The following STAG1 variants were observed in gnomAD, a reference collection of about 807,000 sequenced individuals.
STAG1 encodes STAG1 cohesin complex component.
STAG1 carries 26 observed loss-of-function variants against 170.9 expected under a neutral mutation model. The observed-to-expected ratio is 0.15, with a 90% CI of 0.11 to 0.21. The LOEUF is 0.21. STAG1 is among the 10% of genes least tolerant of loss of function. The probability of loss-of-function intolerance (pLI) is 1.00; values close to 1 mark genes in which losing one functional copy is unlikely to be tolerated. For missense variants in STAG1, 964 were observed against 1,509.5 expected, an observed-to-expected ratio of 0.64 and a Z score of 5.99; for synonymous variants, 514 against 497.7, an observed-to-expected ratio of 1.03 and a Z score of -0.44.
chr3:136,471,556 C>A (rs984239008), intron 12 of STAG1, among the ~76,000 whole-genome samples: 2 of 152,104 alleles, frequency 1.3e-5, no homozygotes, highest in African/African-American at 4.8e-5. Context: ...TAGATCCCTG[C>A]ATACATATTT....
At chr3:136,542,962 T>C (rs935595703) in intron 5 of STAG1, among the ~76,000 whole-genome samples, 6 of 152,166 alleles carry the variant, frequency 3.9e-5, no homozygotes, top group Admixed American at 3.3e-4. Flanking sequence ...CACTACTCTT[T>C]ATTGACTCTC....
chr3:136,745,252 G>T (rs1012975408), intron 1 of STAG1, among the ~76,000 whole-genome samples: 2 of 152,018 alleles, frequency 1.3e-5, no homozygotes, highest in African/African-American at 4.8e-5. Context: ...CATAAAGAAG[G>T]TAAGACATTC....
intron 4 of STAG1, among the ~76,000 whole-genome samples, chr3:136,577,038 G>T (rs1268253499): frequency 6.6e-6 from 1 of 152,198 alleles, no homozygotes; most frequent in Non-Finnish European, 1.5e-5. Flanking sequence ...AATTAATCAA[G>T]CTATTGCTGG....
intron 1 of STAG1, among the ~76,000 whole-genome samples, chr3:136,661,075 T>G (rs1941562768): frequency 6.6e-6 from 1 of 152,194 alleles, no homozygotes; most frequent in South Asian, 2.1e-4. Context: ...ATTGTTTTAA[T>G]GACTAAGTGA....
At chr3:136,666,020 C>G (rs552182767) in intron 1 of STAG1, among the ~76,000 whole-genome samples, 1 of 125,180 alleles carries the variant, frequency 8.0e-6, no homozygotes, top group Middle Eastern at 4.5e-3. Flanking sequence ...GCTTGCAGTG[C>G]GCCGAGATTG....
In STAG1 at chr3:136,367,061, G is replaced by A; in HGVS notation, c.2567C>T (p.Ala856Val). The part of the protein sequence containing the change: ...QSMEGDEEDE[A>V]NKIEALHKRR... ...TTTATGTAAGGCCTCAATTTTATTA[G>A]CTTCATCTTCTTCATCACCCTCTAA... is the stretch of plus-strand genomic sequence containing the variant. The change falls in exon 25 of 34, where the codon GCT becomes GTT. Residue 856 changes from alanine to valine, a missense_variant. Coordinates refer to ENST00000383202, the MANE Select transcript of STAG1 (RefSeq NM_005862.3). 6.2e-7 allele frequency: 1 copy of A among 1,609,966 alleles called. No homozygotes were observed. The highest frequency in any genetic ancestry group is 8.5e-7 in the Non-Finnish European group (1 of 1,177,358).
chr3:136,355,945 T>G (rs375064377), intron 28 of STAG1, among the ~76,000 whole-genome samples: 2 of 152,152 alleles, frequency 1.3e-5, no homozygotes, highest in Admixed American at 6.5e-5. Context: ...GGAAAATGTA[T>G]AGCTGTAAAT....
Position 136,473,632 on chromosome 3 carries a change from C to G in STAG1, c.1032G>C (p.Gly344=). ...YVGWTLHDRQ[G]EVRLKCLKAL... ...CTTTCAAACACTTCAGCCTGACTTC[C>G]CCTTGCTTCAGAAATACAAATAAAA... The change falls in exon 11 of 34, where the codon GGG becomes GGC. Residue 344 remains glycine (G), a synonymous_variant. Transcript: ENST00000383202. 1.9e-6 allele frequency: 3 copies of G among 1,609,940 alleles called. No individual in the cohort carries two copies. The highest frequency in any genetic ancestry group is 1.7e-6 in the Non-Finnish European group (2 of 1,177,900).
chr3:136,746,782 C>T (rs1304848754), intron 1 of STAG1, among the ~76,000 whole-genome samples: 2 of 152,066 alleles, frequency 1.3e-5, no homozygotes, highest in African/African-American at 2.4e-5. Flanking sequence ...GCTGAAACCC[C>T]GTCTCTACTA....
intron 1 of STAG1, among the ~76,000 whole-genome samples, chr3:136,684,456 T>A (rs1364290220): frequency 6.6e-6 from 1 of 152,146 alleles, no homozygotes; most frequent in Non-Finnish European, 1.5e-5. Flanking sequence ...AAAACAGTGC[T>A]GGACCCAAAC....
chr3:136,338,621 A>G (rs1300278296), intron 32 of STAG1, among the ~76,000 whole-genome samples, 171 bp from the exon 33 acceptor site: 2 of 152,258 alleles, frequency 1.3e-5, no homozygotes, highest in Non-Finnish European at 1.5e-5. Flanking sequence ...TTTAAAAACA[A>G]ACAGTACTTT....
chr3:136,559,345 CCAGTAATG>C (rs1936748572), intron 5 of STAG1, among the ~76,000 whole-genome samples: 1 of 151,970 alleles, frequency 6.6e-6, no homozygotes, highest in Non-Finnish European at 1.5e-5. Context: ...CCACAAAATA[CCAGTAATG>C]CAGTAGAGAC....
chr3:136,423,423 T>G (rs541174000), intron 16 of STAG1, among the ~76,000 whole-genome samples: 16 of 152,214 alleles, frequency 1.1e-4, no homozygotes, highest in Non-Finnish European at 2.1e-4. Context: ...GCCTTTTAAA[T>G]ACCAACAGAA....
intron 5 of STAG1, among the ~76,000 whole-genome samples, chr3:136,551,451 G>T (rs1936400046): frequency 7.1e-6 from 1 of 140,770 alleles, no homozygotes; most frequent in African/African-American, 2.7e-5. Context: ...TTTGGCAGGG[G>T]GAAGAGGGGA....
At position 136,468,724 on chromosome 3, in the gene STAG1, G is replaced by A. The variant is rs541616995; in HGVS notation, c.1205+3689C>T. ...ACCAATATCCCTGATGAACATTCACGCAAATATCCTCAATAAAATACTGGC... is the reference window on the plus strand; with the variant it reads ...ACCAATATCCCTGATGAACATTCACACAAATATCCTCAATAAAATACTGGC... On this transcript the variant is annotated intron_variant, in intron 12 of 33. Coordinates refer to ENST00000383202, the MANE Select transcript of STAG1 (RefSeq NM_005862.3). Among the ~76,000 whole-genome samples the A allele has an allele frequency of 7.1e-3, 1,085 of 152,222 alleles. 21 individuals are homozygous for A. The highest frequency in any genetic ancestry group is 0.024 in the African/African-American group (978 of 41,518).
chr3:136,448,722 T>C (rs1370256752), intron 14 of STAG1, among the ~76,000 whole-genome samples: 1 of 152,162 alleles, frequency 6.6e-6, no homozygotes, highest in East Asian at 1.9e-4. Flanking sequence ...GTGGATCACC[T>C]GAGGTCAGGA....
intron 21 of STAG1, 150 bp downstream of exon 21, chr3:136,417,735 C>A: frequency 1.6e-6 from 1 of 634,842 alleles, no homozygotes; most frequent in Non-Finnish European, 2.8e-6. Flanking sequence ...CTATCAATAA[C>A]ATTTAATTAC....
intron 1 of STAG1, among the ~76,000 whole-genome samples, chr3:136,648,497 A>C (rs1184045861): frequency 2.0e-5 from 3 of 152,230 alleles, no homozygotes; most frequent in Admixed American, 1.3e-4. Flanking sequence ...TAACACCATG[A>C]CCTTGGTCAG....
intron 13 of STAG1, 105 bp from the exon 14 acceptor site, chr3:136,452,252 G>C: frequency 1.4e-6 from 1 of 727,776 alleles, no homozygotes. Context: ...CAACAAAAAG[G>C]GGGAGCAGGG....
Sources: gnomAD v4.1 joint callset for allele counts (sites outside exome capture counted in the v4.1 genomes callset) on GRCh38, gnomAD v4.1.1 for gene constraint, MANE v1.5 for transcripts, NCBI Gene and HGNC (gene_info 2026-07-23, HGNC 2026-07-21) for gene names.